ZAR1L: variants seen among roughly 807,000 people sequenced by gnomAD.
ZAR1L encodes protein ZAR1-like.
ZAR1L carries 16 observed loss-of-function variants against 30.0 expected under a neutral mutation model. That is an observed-to-expected ratio of 0.53 (90% confidence interval 0.36 to 0.81). ZAR1L has a LOEUF of 0.81. ZAR1L is among the 30% of genes least tolerant of loss of function. The pLI, the probability that ZAR1L is intolerant of heterozygous loss-of-function variation, is 0.00. For missense variants in ZAR1L, 392 were observed against 417.2 expected (o/e 0.94, Z 0.53); for synonymous variants, 197 against 166.8 (o/e 1.18, Z -1.40).
chr13:32,312,748 C>T (rs2072223679), intron 2 of ZAR1L, among the ~76,000 whole-genome samples: 1 of 152,006 alleles, frequency 6.6e-6, no homozygotes, highest in African/African-American at 2.4e-5. Context: ...TATGGTGGCA[C>T]GCTCCTGTAA....
In ZAR1L at chr13:32,311,877, TCCCATAA is replaced by T; in HGVS notation, c.42_48del (p.Tyr15AlafsTer59). The T allele has an allele frequency of 6.4e-7, 1 of 1,551,582 alleles. No individual in the cohort carries two copies. The highest frequency in any genetic ancestry group is 8.7e-7 in the Non-Finnish European group (1 of 1,146,962). On this transcript the variant is annotated frameshift_variant, in exon 3 of 6. Transcript: ENST00000533490. LOFTEE classifies it high-confidence loss of function. ...CCAGGCTGGCCCAAAGGCACTGTGC[TCCCATAA>T]CCCTGGTACAAGCCATAGGGAACAC...
chr13:32,305,265 T>C (rs1233224780), intron 5 of ZAR1L, among the ~76,000 whole-genome samples: 1 of 152,206 alleles, frequency 6.6e-6, no homozygotes, highest in Non-Finnish European at 1.5e-5. Context: ...CTCGCTCTTT[T>C]GCCCAGGCTG....
In ZAR1L at chr13:32,311,482, A is replaced by G; in HGVS notation, c.444T>C (p.Asp148=). The change falls in exon 3 of 6, where the codon GAT becomes GAC. Residue 148 remains aspartate (D), a synonymous_variant. Coordinates refer to ENST00000533490, the MANE Select transcript of ZAR1L (RefSeq NM_001136571.2). ...GCGCCTTGCTCTCCGCTTCGTCCCC[A>G]TCTCTCCGCAGGCGGATCAAGCCCC... is the stretch of plus-strand genomic sequence containing the variant. ...GRRGLIRLRR[D]GDEAESKALP... is the part of the protein sequence containing the mutation. 6.5e-7 allele frequency: 1 copy of G among 1,545,796 alleles called. No homozygotes were observed.
intron 5 of ZAR1L, among the ~76,000 whole-genome samples, chr13:32,307,970 T>G (rs1409857245): frequency 1.3e-5 from 2 of 152,084 alleles, no homozygotes; most frequent in Non-Finnish European, 2.9e-5. Flanking sequence ...GTCTGCCTAA[T>G]TTTTGTATTT....
Position 32,305,835 on chromosome 13 carries a change from T to C in ZAR1L, c.823-1813A>G, listed in dbSNP as rs2072170530. ...GGTGTGAGCTTGATGTCTGGGACTG[T>C]TTACTCTCACTATAGTTTTTCACAT... On this transcript the variant is annotated intron_variant, in intron 5 of 5. Coordinates refer to ENST00000533490, the MANE Select transcript of ZAR1L (RefSeq NM_001136571.2). 2.6e-5 allele frequency among the ~76,000 whole-genome samples: 4 copies of C among 152,202 alleles called. No homozygotes were observed. The South Asian group carries it at 8.3e-4, about 32-fold the overall frequency.
chr13:32,308,878 T>G (rs2072193960), intron 4 of ZAR1L, 118 bp from the exon 5 acceptor site: 1 of 670,506 alleles, frequency 1.5e-6, no homozygotes, highest in Non-Finnish European at 2.6e-6. Context: ...TACCCTTGCC[T>G]TGCCTTTTAT....
chr13:32,311,918 C>G lies in ZAR1L; in HGVS notation c.8G>C (p.Arg3Pro). 6.5e-7 allele frequency: 1 copy of G among 1,545,678 alleles called. No individual in the cohort carries two copies. The highest frequency in any genetic ancestry group is 1.2e-5 in the South Asian group (1 of 83,370). The change falls in exon 3 of 6, where the codon CGC (arginine) becomes CCC (proline). Residue 3 changes from arginine (R) to proline (P), a missense_variant. Physicochemically the swap from Arg to Pro is moderately radical, Grantham distance 103. Coordinates refer to ENST00000533490, the MANE Select transcript of ZAR1L (RefSeq NM_001136571.2). ...CAAGCCATAGGGAACACGGACAAAGCGCTCCATCCGCTCTCAGGTGCTCAG... is the reference window on the plus strand; with the variant it reads ...CAAGCCATAGGGAACACGGACAAAGGGCTCCATCCGCTCTCAGGTGCTCAG... MERFVRVPYGLYQ... is the reference protein window; with the variant it reads MEPFVRVPYGLYQ...
chr13:32,313,891 C>G (rs552884902), intron 2 of ZAR1L, among the ~76,000 whole-genome samples: 39 of 152,220 alleles, frequency 2.6e-4, no homozygotes, highest in African/African-American at 8.7e-4. Context: ...CACGGGTTCT[C>G]ATTAGTCCAC....
rs150752421 is a variant in ZAR1L at position 32,306,656 on chromosome 13, C to T, written c.822+2030G>A. Among the ~76,000 whole-genome samples, 333 of 152,260 alleles carry T rather than the reference C, an allele frequency of 2.2e-3. 1 individual carries two copies. The highest frequency in any genetic ancestry group is 7.4e-3 in the African/African-American group (309 of 41,556). On this transcript the variant is annotated intron_variant, in intron 5 of 5. Coordinates refer to ENST00000533490, the MANE Select transcript of ZAR1L (RefSeq NM_001136571.2). ...TCTTAAAAAGATATCCAAGGCTGGG[C>T]GTGACGGCTCACGCCTATAATCCCA...
At chr13:32,307,046 AAG>A in intron 5 of ZAR1L, among the ~76,000 whole-genome samples, 1 of 152,234 alleles carries the variant, frequency 6.6e-6, no homozygotes, top group South Asian at 2.1e-4. Flanking sequence ...TAGAAACAAG[AAG>A]ATACAAAGAA....
Position 32,311,455 on chromosome 13 carries a change from G to C in ZAR1L, c.471C>G (p.Leu157=). The change falls in exon 3 of 6, where the codon CTC becomes CTG. Residue 157 remains leucine, a synonymous_variant. Coordinates refer to ENST00000533490, the MANE Select transcript of ZAR1L (RefSeq NM_001136571.2). The part of the protein sequence containing the change: ...RDGDEAESKA[L]PGPAEASQPQ... The stretch of plus-strand genomic sequence containing the variant: ...GCTGGCTGGCCTCCGCAGGGCCCGG[G>C]AGCGCCTTGCTCTCCGCTTCGTCCC... 1 of 1,547,314 alleles carries C rather than the reference G, an allele frequency of 6.5e-7. No individual in the cohort carries two copies. The highest frequency in any genetic ancestry group is 8.7e-7 in the Non-Finnish European group (1 of 1,146,844).
intron 4 of ZAR1L, among the ~76,000 whole-genome samples, chr13:32,309,905 A>G (rs540746150): frequency 5.9e-5 from 9 of 152,360 alleles, no homozygotes; most frequent in African/African-American, 2.2e-4. Context: ...CCGGAACTCA[A>G]TGCCTTTTTG....
At chr13:32,306,218 A>G (rs1023236665) in intron 5 of ZAR1L, among the ~76,000 whole-genome samples, 39 of 152,236 alleles carry the variant, frequency 2.6e-4, no homozygotes, top group African/African-American at 9.2e-4. Context: ...AAGAGCTAAA[A>G]GCATGGAAAA....
chr13:32,312,132 T>C, intron 2 of ZAR1L, 39 bp from the exon 3 acceptor site: 1 of 575,896 alleles, frequency 1.7e-6, no homozygotes, highest in East Asian at 3.1e-5. Context: ...AGATGTCTAA[T>C]TGCCACCTGA....
rs1437297568 is a variant in ZAR1L, at chr13:32,308,744, A to C, written c.764T>G (p.Leu255Arg). The C allele has an allele frequency of 1.3e-6, 2 of 1,549,752 alleles. No homozygotes were observed. The highest frequency in any genetic ancestry group is 8.7e-7 in the Non-Finnish European group (1 of 1,145,790). The change falls in exon 5 of 6, where the codon CTC (leucine) becomes CGC (arginine). Residue 255 changes from leucine (L) to arginine (R), a missense_variant. Transcript: ENST00000533490. ...SGTNKVYFKQ[L>R]CCKCQKSFNP... The stretch of plus-strand genomic sequence containing the variant: ...AAAACTCTTTTGGCATTTACAACAG[A>C]GTTGTTTGAAATAAACCTAAAGAGA...
At chr13:32,307,498 CAAAAAAAAAAA>C (rs772822284) in intron 5 of ZAR1L, among the ~76,000 whole-genome samples, 12 of 15,356 alleles carry the variant, frequency 7.8e-4, no homozygotes, top group African/African-American at 2.2e-3. Context: ...GAGTCTGTCT[CAAAAAAAAAAA>C]AAAAAAAAAA....
intron 5 of ZAR1L, among the ~76,000 whole-genome samples, chr13:32,305,030 T>G (rs1019911885): frequency 2.0e-5 from 3 of 151,662 alleles, no homozygotes; most frequent in Non-Finnish European, 4.4e-5. Context: ...ACACTGGTCT[T>G]GAACTCCTGA....
intron 5 of ZAR1L, among the ~76,000 whole-genome samples, chr13:32,306,668 C>T (rs924659096): frequency 1.1e-4 from 17 of 152,156 alleles, no homozygotes; most frequent in South Asian, 6.2e-4. Flanking sequence ...TGACGGCTCA[C>T]GCCTATAATC....
chr13:32,306,607 C>CTA (rs1317736206), intron 5 of ZAR1L, among the ~76,000 whole-genome samples: 1 of 152,094 alleles, frequency 6.6e-6, no homozygotes, highest in African/African-American at 2.4e-5. Context: ...CCTAGAAATT[C>CTA]TATATATACC....
Sources: allele counts gnomAD v4.1 joint callset (sites outside exome capture counted in the v4.1 genomes callset), GRCh38; gene constraint gnomAD v4.1.1; transcripts MANE v1.5; gene names NCBI Gene and HGNC (gene_info 2026-07-23, HGNC 2026-07-21).